ABCA13: variants seen among roughly 807,000 people sequenced by gnomAD.
ABCA13 encodes ATP-binding cassette sub-family A member 13.
A neutral mutation model predicts 478.7 loss-of-function variants in ABCA13; 476 were observed. The observed-to-expected ratio is 0.99, with a 90% CI of 0.92 to 1.07. The LOEUF is 1.07. ABCA13 is among the 50% of genes least tolerant of loss of function. ABCA13 has a pLI of 0.00. For synonymous variants in ABCA13, 2,252 were observed against 2,158.9 expected (o/e 1.04, Z -1.20); for missense variants, 6,060 against 5,910.6 (o/e 1.03, Z -0.83).
intron 39 of ABCA13, among the ~76,000 whole-genome samples, chr7:48,409,944 A>AAT (rs1491225646): frequency 6.7e-6 from 1 of 149,234 alleles, no homozygotes; most frequent in Admixed American, 6.6e-5. Flanking sequence ...AAAAAAAAAA[A>AAT]TTAGCCAGAC....
chr7:48,390,099 A>T (rs1815809352), intron 37 of ABCA13, among the ~76,000 whole-genome samples: 1 of 152,188 alleles, frequency 6.6e-6, no homozygotes. Flanking sequence ...AAATTGGGAA[A>T]CCACAAGTTG....
intron 41 of ABCA13, among the ~76,000 whole-genome samples, chr7:48,417,262 CATTTGTGTCCTAGATGCT>C (rs1820148137): frequency 6.6e-6 from 1 of 152,156 alleles, no homozygotes; most frequent in East Asian, 1.9e-4. Context: ...TGATGACATG[CATTTGTGTCCTAGATGCT>C]TTTTTTTCAT....
intron 19 of ABCA13, among the ~76,000 whole-genome samples, chr7:48,287,753 G>T (rs1204257919): frequency 6.6e-6 from 1 of 152,120 alleles, no homozygotes; most frequent in African/African-American, 2.4e-5. Context: ...AAATCAATTA[G>T]GCCCAGAAAA....
At chr7:48,289,729 G>C (rs10499678) in intron 20 of ABCA13, among the ~76,000 whole-genome samples, 8 of 151,966 alleles carry the variant, frequency 5.3e-5, no homozygotes, top group African/African-American at 1.9e-4. Context: ...CCAGCTTTCA[G>C]AGCAACTGAC....
rs1562592680 is a variant in ABCA13 at position 48,647,113 on chromosome 7, A to T, written c.*1601A>T. 1 of 152,212 alleles carries T rather than the reference A, an allele frequency of 6.6e-6. No individual in the cohort carries two copies. Among genetic ancestry groups the T allele is most frequent in the Non-Finnish European group, 1.5e-5 (1 of 68,036 alleles). 9.4% of individuals were successfully genotyped at this position (152,212 alleles called of 1,614,324 possible). A position where few individuals can be genotyped will look rare whatever the true frequency, so the allele number is the denominator to read the frequency against. On this transcript the variant is annotated 3_prime_UTR_variant, in exon 62 of 62. Coordinates refer to ENST00000435803, the MANE Select transcript of ABCA13 (RefSeq NM_152701.5). ...CTTATTTTAAAATTTGGCCTTTTTC[A>T]ACACTAACGTTGAGTACCGGTAGCT...
chr7:48,187,741 T>C (rs1796556888), intron 1 of ABCA13, among the ~76,000 whole-genome samples: 1 of 152,020 alleles, frequency 6.6e-6, no homozygotes, highest in South Asian at 2.1e-4. Context: ...CCACAATCTC[T>C]TTTTTACTTA....
At position 48,616,909 on chromosome 7, in the gene ABCA13, G is replaced by C. The variant is rs750537782; in HGVS notation, c.14837+1532G>C. Among the ~76,000 whole-genome samples, 3 of 152,102 alleles carry C rather than the reference G, an allele frequency of 2.0e-5. No individual in the cohort carries two copies. The South Asian group carries it at 6.2e-4, about 32-fold the overall frequency. On this transcript the variant is annotated intron_variant, in intron 59 of 61. Coordinates refer to ENST00000435803, the MANE Select transcript of ABCA13 (RefSeq NM_152701.5). ...AAAAATTATATCCAGGTGTGGTGGG[G>C]TGCATCTGTAGTGCTAGCTACTTAG...
At chr7:48,440,263 A>G (rs577238064) in intron 42 of ABCA13, among the ~76,000 whole-genome samples, 5 of 152,206 alleles carry the variant, frequency 3.3e-5, no homozygotes, top group Admixed American at 1.3e-4. Context: ...GCACCCTCAC[A>G]TCCTCTCCAG....
chr7:48,523,431 T>G (rs1398590591), intron 53 of ABCA13, among the ~76,000 whole-genome samples: 22 of 152,072 alleles, frequency 1.4e-4, no homozygotes, highest in Admixed American at 1.4e-3. Flanking sequence ...TTATCGAACA[T>G]TGCTATGTAC....
intron 43 of ABCA13, among the ~76,000 whole-genome samples, chr7:48,456,682 A>C (rs1432238002): frequency 6.6e-6 from 1 of 152,204 alleles, no homozygotes; most frequent in Non-Finnish European, 1.5e-5. Context: ...AAATCAGTAC[A>C]ACCACTTTAC....
chr7:48,600,209 T>C (rs772458601), intron 58 of ABCA13, among the ~76,000 whole-genome samples: 2 of 152,218 alleles, frequency 1.3e-5, no homozygotes, highest in Non-Finnish European at 2.9e-5. Flanking sequence ...TCTTAAATCC[T>C]ATTTTGTTTC....
rs1786715760 is a variant in ABCA13 at position 48,563,797 on chromosome 7, TGTGTGTGTGTG to T, written c.14355-16426_14355-16416del. The stretch of plus-strand genomic sequence containing the variant: ...TTTTGTTGTTTTTGTTTACTGCTTG[TGTGTGTGTGTG>T]TGTGTGTGTGTGTGTGTGTGTGTGT... On this transcript the variant is annotated intron_variant, in intron 55 of 61. Transcript: ENST00000435803. Among the ~76,000 whole-genome samples the T allele has an allele frequency of 1.0e-3, 39 of 39,166 alleles. 1 individual carries two copies. Among genetic ancestry groups the T allele is most frequent in the Non-Finnish European group, 1.4e-3 (15 of 10,766 alleles). 25.7% of individuals were successfully genotyped at this position (39,166 alleles called of 152,430 possible). A position where few individuals can be genotyped will look rare whatever the true frequency, so the allele number is the denominator to read the frequency against.
intron 51 of ABCA13, among the ~76,000 whole-genome samples, chr7:48,511,926 C>T (rs1831720570): frequency 6.6e-6 from 1 of 152,106 alleles, no homozygotes; most frequent in African/African-American, 2.4e-5. Flanking sequence ...GTGATTTTTA[C>T]AGTTTGTATT....
At chr7:48,597,014 C>T (rs766277743) in intron 58 of ABCA13, among the ~76,000 whole-genome samples, 2 of 151,176 alleles carry the variant, frequency 1.3e-5, no homozygotes, top group Admixed American at 6.6e-5. Flanking sequence ...TGCAGTGGCA[C>T]GATCTTGGCT....
chr7:48,563,006 T>C (rs1035151803), intron 55 of ABCA13, among the ~76,000 whole-genome samples: 2 of 152,092 alleles, frequency 1.3e-5, no homozygotes, highest in Admixed American at 1.3e-4. Context: ...ATTATGTGTG[T>C]ATATATATTT....
At chr7:48,253,088 G>T (rs1394223797) in intron 15 of ABCA13, among the ~76,000 whole-genome samples, 1 of 152,156 alleles carries the variant, frequency 6.6e-6, no homozygotes, top group South Asian at 2.1e-4. Context: ...GCTTTAAAAT[G>T]TATTATTCAG....
At chr7:48,414,676 C>T (rs1374693729) in intron 41 of ABCA13, among the ~76,000 whole-genome samples, 4 of 151,476 alleles carry the variant, frequency 2.6e-5, no homozygotes, top group Non-Finnish European at 5.9e-5. Context: ...TTGTGTTGCT[C>T]AGGCTGGTCT....
At chr7:48,376,417 C>T in intron 34 of ABCA13, 24 bp from the exon 35 acceptor site, 1 of 1,611,368 alleles carries the variant, frequency 6.2e-7, no homozygotes, top group South Asian at 1.1e-5. Flanking sequence ...GCAGTTCTAA[C>T]TCTGACCTTT....
intron 27 of ABCA13, among the ~76,000 whole-genome samples, chr7:48,334,897 C>T (rs984437556): frequency 6.6e-6 from 1 of 152,106 alleles, no homozygotes; most frequent in Non-Finnish European, 1.5e-5. Context: ...AGGATAGAGT[C>T]CTTTTATCTT....
Sources: gnomAD v4.1 joint callset for allele counts (sites outside exome capture counted in the v4.1 genomes callset) on GRCh38, gnomAD v4.1.1 for gene constraint, MANE v1.5 for transcripts, NCBI Gene and HGNC (gene_info 2026-07-23, HGNC 2026-07-21) for gene names.